Variants in IKZF1 observed in about 807,000 individuals in gnomAD.
IKZF1 encodes the protein IKAROS family zinc finger 1.
IKZF1 carries 10 observed loss-of-function variants against 51.7 expected under a neutral mutation model. The ratio of observed to expected loss-of-function variants is 0.19; its 90% confidence interval spans 0.12 to 0.33. The LOEUF is 0.33. Ranked by LOEUF, IKZF1 falls within the 10% of genes least tolerant of loss-of-function variation. IKZF1 has a pLI of 1.00. For synonymous variants in IKZF1, 280 were observed against 282.3 expected (o/e 0.99, Z 0.08); for missense variants, 484 against 707.5 (o/e 0.68, Z 3.58).
chr7:50,365,725 A>C (rs1806703576), intron 3 of IKZF1, among the ~76,000 whole-genome samples: 1 of 152,206 alleles, frequency 6.6e-6, no homozygotes, highest in African/African-American at 2.4e-5. Context: ...ACAGTGTGGC[A>C]ATTCCTCAAA....
At chr7:50,358,008 A>G (rs758835389) in intron 3 of IKZF1, among the ~76,000 whole-genome samples, 10 of 152,232 alleles carry the variant, frequency 6.6e-5, no homozygotes, top group Non-Finnish European at 1.0e-4. Context: ...AGGACATAGC[A>G]TAGCACCTTC....
At chr7:50,350,824 C>A (rs931177147) in intron 3 of IKZF1, among the ~76,000 whole-genome samples, 7 of 152,206 alleles carry the variant, frequency 4.6e-5, no homozygotes, top group African/African-American at 9.7e-5. Context: ...GCAAGCTGGG[C>A]TCTGGTAGCG....
At chr7:50,352,267 C>T (rs774897260) in intron 3 of IKZF1, among the ~76,000 whole-genome samples, 1 of 152,212 alleles carries the variant, frequency 6.6e-6, no homozygotes, top group Non-Finnish European at 1.5e-5. Flanking sequence ...TTTGAATTCT[C>T]TTATCTGCTT....
chr7:50,319,050 A>G lies in IKZF1; in HGVS notation c.-12A>G, dbSNP rs2153363265. The stretch of plus-strand genomic sequence containing the variant: ...AAATCCCTTCCTCTCTTTCTCAGAT[A>G]ACCTGAGGACCATGGATGCTGATGA... On this transcript the variant is annotated splice_region_variant and 5_prime_UTR_variant, in exon 2 of 8. The change creates a new upstream start codon in the 5' untranslated region. Transcript: ENST00000331340. 6.2e-7 allele frequency: 1 copy of G among 1,609,298 alleles called. No homozygotes were observed. Among genetic ancestry groups the G allele is most frequent in the East Asian group, 2.2e-5 (1 of 44,846 alleles).
At chr7:50,351,426 G>A (rs1801825535) in intron 3 of IKZF1, among the ~76,000 whole-genome samples, 2 of 152,154 alleles carry the variant, frequency 1.3e-5, no homozygotes, top group East Asian at 3.8e-4. Context: ...AGAATGTTCT[G>A]TGTTTCCTCC....
Position 50,404,757 on chromosome 7 carries a change from G to A in IKZF1, c.*4130G>A, listed in dbSNP as rs566177471. On this transcript the variant is annotated 3_prime_UTR_variant, in exon 8 of 8. Coordinates refer to ENST00000331340, the MANE Select transcript of IKZF1 (RefSeq NM_006060.6). ...AGCATGCTTCAGTCATTCTGTGAGT[G>A]GCCGGGCCCAGGGCCCTCACAATTT... 4.3e-6 allele frequency: 1 copy of A among 230,380 alleles called. No homozygotes were observed. The highest frequency in any genetic ancestry group is 1.8e-4 in the South Asian group (1 of 5,510). 14.3% of individuals were successfully genotyped at this position (230,380 alleles called of 1,614,324 possible). A position where few individuals can be genotyped will look rare whatever the true frequency, so the allele number is the denominator to read the frequency against.
intron 3 of IKZF1, chr7:50,368,070 G>A (rs1807490010): frequency 2.8e-6 from 2 of 703,120 alleles, no homozygotes; most frequent in Admixed American, 2.0e-5. Flanking sequence ...TCTCTCGTAA[G>A]TATATGCCTT....
chr7:50,370,417 T>C (rs770433564), intron 3 of IKZF1, among the ~76,000 whole-genome samples: 1 of 152,242 alleles, frequency 6.6e-6, no homozygotes, highest in Non-Finnish European at 1.5e-5. Context: ...GCCTCTTGGC[T>C]CCTCTTGGCA....
In IKZF1 at chr7:50,400,732, A is replaced by G; in HGVS notation, c.*105A>G. The G allele has an allele frequency of 7.5e-7, 1 of 1,328,826 alleles. No individual in the cohort carries two copies. Among genetic ancestry groups the G allele is most frequent in the Non-Finnish European group, 1.0e-6 (1 of 983,156 alleles). The allele number at this position is 1,328,826 out of a possible 1,614,324, so 82.3% of individuals were successfully genotyped here. A position where few individuals can be genotyped will look rare whatever the true frequency, so the allele number is the denominator to read the frequency against. On this transcript the variant is annotated 3_prime_UTR_variant, in exon 8 of 8. Transcript: ENST00000331340. This position sits in a 1 kb window ranked among gnomAD's most constrained non-coding sequence, Gnocchi z 5.4. ...CAGCATAGACTGGACTGGACCAGAC[A>G]ATGTTGTGTTTGGATTTGTAACTGT...
chr7:50,305,813 A>G (rs913185049), intron 1 of IKZF1, among the ~76,000 whole-genome samples: 7 of 152,248 alleles, frequency 4.6e-5, no homozygotes, highest in African/African-American at 1.7e-4. Flanking sequence ...TAAAAGAGGA[A>G]AATTTATGGA....
At chr7:50,377,714 A>G (rs6976046) in intron 4 of IKZF1, among the ~76,000 whole-genome samples, 147,434 of 152,368 alleles carry the variant, frequency 0.97, 71,333 homozygotes, top group East Asian at 1. Context: ...TTATTTAACT[A>G]TAGGCAGGAG....
At chr7:50,396,607 A>G (rs1474782995) in intron 7 of IKZF1, among the ~76,000 whole-genome samples, 1 of 152,022 alleles carries the variant, frequency 6.6e-6, no homozygotes, top group East Asian at 1.9e-4. Context: ...TTTCCTAGTA[A>G]CCCTGACATT....
chr7:50,307,942 G>A lies in IKZF1; in HGVS notation c.-15+3020G>A, dbSNP rs186618709. On this transcript the variant is annotated intron_variant, in intron 1 of 7. Coordinates refer to ENST00000331340, the MANE Select transcript of IKZF1 (RefSeq NM_006060.6). ...TAGTGCTGACTGAACACTCATGCTG[G>A]TGTCTTCATGTGGACCATGGCTTTC... Among the ~76,000 whole-genome samples the A allele has an allele frequency of 1.8e-4, 27 of 152,276 alleles. No homozygotes were observed. In the East Asian group the frequency reaches 4.8e-3, roughly 27 times the overall value.
intron 3 of IKZF1, among the ~76,000 whole-genome samples, chr7:50,359,302 A>C (rs186217284): frequency 1.3e-5 from 2 of 152,320 alleles, no homozygotes; most frequent in East Asian, 3.9e-4. Context: ...AACAAGTCAC[A>C]ATTCCTTGCT....
chr7:50,400,442 A>T lies in IKZF1; in HGVS notation c.1375A>T (p.Met459Leu). ...LRVVSTSGEQMKVYKCEHCRV... is the reference protein window; with the variant it reads ...LRVVSTSGEQLKVYKCEHCRV... ...CGTGGTCAGCACCAGCGGGGAGCAG[A>T]TGAAGGTGTACAAGTGCGAACACTG... The change falls in exon 8 of 8, where the codon ATG (methionine) becomes TTG (leucine). Residue 459 changes from methionine (M) to leucine (L), a missense_variant. Physicochemically the swap from Met to Leu is conservative, Grantham distance 15 (BLOSUM62 2). Coordinates refer to ENST00000331340, the MANE Select transcript of IKZF1 (RefSeq NM_006060.6). This position sits in a 1 kb window ranked among gnomAD's most constrained non-coding sequence, Gnocchi z 5.4. The T allele has an allele frequency of 1.2e-6, 2 of 1,613,914 alleles. No homozygotes were observed. Among genetic ancestry groups the T allele is most frequent in the Non-Finnish European group, 1.7e-6 (2 of 1,179,870 alleles).
At chr7:50,358,385 AGTGGGCCAATCTCGCGTGAAGGCT>A (rs1478132126) in intron 3 of IKZF1, among the ~76,000 whole-genome samples, 1 of 152,230 alleles carries the variant, frequency 6.6e-6, no homozygotes, top group African/African-American at 2.4e-5. Context: ...GTGTGTGAGT[AGTGGGCCAATCTCGCGTGAAGGCT>A]GTGGGACGGG....
chr7:50,377,071 A>G (rs1810490556), intron 4 of IKZF1: 2 of 474,148 alleles, frequency 4.2e-6, no homozygotes, highest in Non-Finnish European at 7.5e-6. Flanking sequence ...GGCTGCTATT[A>G]TAGTAACACA....
chr7:50,349,720 C>A (rs1396430917), intron 3 of IKZF1, among the ~76,000 whole-genome samples: 1 of 151,976 alleles, frequency 6.6e-6, no homozygotes, highest in Non-Finnish European at 1.5e-5. Context: ...GGTAACTTAC[C>A]CCAAAATGAT....
Position 50,400,156 on chromosome 7 carries a change from C to T in IKZF1, c.1089C>T (p.His363=), listed in dbSNP as rs895881544. 3 of 1,563,058 alleles carry T rather than the reference C, an allele frequency of 1.9e-6. No individual in the cohort carries two copies. The African/African-American group carries it at 4.1e-5, about 21-fold the overall frequency. Reference sequence around the variant, plus strand: ...CGGAGGGCACCCCGCGCTCCAACCACTCGGCCCAGGACAGCGCCGTGGAGA... The same window carrying T: ...CGGAGGGCACCCCGCGCTCCAACCATTCGGCCCAGGACAGCGCCGTGGAGA... The part of the protein sequence containing the change: ...PLAEGTPRSN[H]SAQDSAVENL... Residue 363 remains histidine, a synonymous_variant, in exon 8 of 8, where the codon CAC becomes CAT. Transcript: ENST00000331340. The surrounding 1 kb of genome is among the most constrained non-coding windows in gnomAD (Gnocchi z 5.4).
Sources: allele counts gnomAD v4.1 joint callset (sites outside exome capture counted in the v4.1 genomes callset), GRCh38; gene constraint gnomAD v4.1.1; non-coding constraint Gnocchi (gnomAD v3.1); transcripts MANE v1.5; gene names NCBI Gene and HGNC (gene_info 2026-07-23, HGNC 2026-07-21).